Variants in SFTPC observed in about 807,000 individuals in gnomAD.
The protein encoded by SFTPC is surfactant protein C.
A neutral mutation model predicts 19.9 loss-of-function variants in SFTPC; 12 were observed. The observed-to-expected ratio is 0.60, with a 90% confidence interval of 0.39 to 0.98. The LOEUF is 0.98. Ranked by LOEUF, SFTPC falls within the 50% of genes least tolerant of loss-of-function variation. The pLI, the probability that SFTPC is intolerant of heterozygous loss-of-function variation, is 0.00. For missense variants in SFTPC, 219 were observed against 252.2 expected (o/e 0.87, Z 0.89); for synonymous variants, 123 against 103.3 (o/e 1.19, Z -1.16).
In SFTPC at chr8:22,163,516, G is replaced by A; in HGVS notation, c.405G>A (p.Glu135=). Residue 135 remains glutamate (E), a synonymous_variant, in exon 4 of 6, where the codon GAG becomes GAA. Transcript: ENST00000679463. ...KIAPESIPSL[E]ALTRKVHNFQ... ...CTCCAGAGAGCATCCCCAGTCTTGA[G>A]GCTCTCACTAGAAAAGTCCACAACT... is the stretch of plus-strand genomic sequence containing the variant. 1.2e-6 allele frequency: 2 copies of A among 1,613,690 alleles called. No homozygotes were observed. The highest frequency in any genetic ancestry group is 1.7e-6 in the Non-Finnish European group (2 of 1,179,732).
At chr8:22,163,002 G>A (rs1827819717) in intron 2 of SFTPC, 78 bp from the exon 3 acceptor site, 1 of 1,592,168 alleles carries the variant, frequency 6.3e-7, no homozygotes, top group Non-Finnish European at 8.6e-7. Context: ...TTTGAGTACA[G>A]AGGCCTGAGT....
chr8:22,162,875 G>A, intron 2 of SFTPC, 143 bp downstream of exon 2: 1 of 1,354,032 alleles, frequency 7.4e-7, no homozygotes, highest in East Asian at 2.3e-5. Flanking sequence ...CACGAACCAG[G>A]CAGCAACCCA....
Position 22,163,140 on chromosome 8 carries a change from C to A in SFTPC, c.262C>A (p.Leu88Met). The A allele has an allele frequency of 6.2e-7, 1 of 1,614,158 alleles. No homozygotes were observed. Among genetic ancestry groups the A allele is most frequent in the East Asian group, 2.2e-5 (1 of 44,874 alleles). The part of the protein sequence containing the change: ...AQQRLALSEH[L>M]VTTATFSIGS... ...GCAACGCCTGGCCCTGAGTGAGCAC[C>A]TGGTTACCACTGCCACCTTCTCCAT... Residue 88 changes from leucine to methionine, a missense_variant, in exon 3 of 6, where the codon CTG becomes ATG. Physicochemically the swap from Leu to Met is conservative, Grantham distance 15. Coordinates refer to ENST00000679463, the MANE Select transcript of SFTPC (RefSeq NM_001317778.2).
upstream of SFTPC, among the ~76,000 whole-genome samples, chr8:22,159,278 C>T (rs1004741446): frequency 1.3e-5 from 2 of 152,144 alleles, no homozygotes; most frequent in African/African-American, 2.4e-5. Flanking sequence ...CAGAGTGAGA[C>T]CCTGTCTCTA....
intron 4 of SFTPC, 25 bp downstream of exon 4, chr8:22,163,571 T>G: frequency 6.6e-7 from 1 of 1,514,706 alleles, no homozygotes; most frequent in Non-Finnish European, 9.2e-7. Context: ...GTGAAAAGAG[T>G]GGGCTGTCTC....
Position 22,164,399 on chromosome 8 carries a change from G to A in SFTPC, c.*152G>A. 1 of 1,531,214 alleles carries A rather than the reference G, an allele frequency of 6.5e-7. No individual in the cohort carries two copies. The highest frequency in any genetic ancestry group is 8.7e-7 in the Non-Finnish European group (1 of 1,144,724). The allele number at this position is 1,531,214 out of a possible 1,614,324, so 94.9% of individuals were successfully genotyped here. Reference sequence around the variant, plus strand: ...TGGAGAAATGGGAGCTTGGGGAGAGGATGGGAGTGGGCAGAGGTGGCGCCC... The same window carrying A: ...TGGAGAAATGGGAGCTTGGGGAGAGAATGGGAGTGGGCAGAGGTGGCGCCC... On this transcript the variant is annotated 3_prime_UTR_variant, in exon 6 of 6. Transcript: ENST00000679463.
At chr8:22,163,367 G>A in intron 3 of SFTPC, 69 bp from the exon 4 acceptor site, 1 of 1,514,464 alleles carries the variant, frequency 6.6e-7, no homozygotes, top group Non-Finnish European at 9.1e-7. Context: ...GAGGGAGGTG[G>A]CTAAGGACCT....
chr8:22,159,819 G>A (rs529300779), upstream of SFTPC: 130 of 1,289,268 alleles, frequency 1.0e-4, no homozygotes, highest in African/African-American at 8.8e-4. Context: ...TGGCTCTCCC[G>A]CTGGCCAGCT....
At chr8:22,161,540 GA>G, upstream of SFTPC, 1 of 653,442 alleles carries the variant, frequency 1.5e-6, no homozygotes, top group Non-Finnish European at 2.5e-6. Context: ...CACCCATGGT[GA>G]GAAGTGCAGA....
intron 4 of SFTPC, 66 bp from the exon 5 acceptor site, chr8:22,163,835 C>T: frequency 1.4e-6 from 2 of 1,428,186 alleles, no homozygotes; most frequent in Non-Finnish European, 2.0e-6. Flanking sequence ...CCTGAAGTCC[C>T]ACAATAAGGG....
At chr8:22,160,423 C>CAACA (rs1182626697), upstream of SFTPC, among the ~76,000 whole-genome samples, 5 of 152,268 alleles carry the variant, frequency 3.3e-5, no homozygotes, top group East Asian at 7.7e-4. Flanking sequence ...CCAGCCTGGG[C>CAACA]AACATGGTGA....
intron 2 of SFTPC, 65 bp downstream of exon 2, chr8:22,162,797 G>T: frequency 6.3e-7 from 1 of 1,593,800 alleles, no homozygotes. Context: ...TAGGTGGGAT[G>T]GGCGATAGGA....
upstream of SFTPC, among the ~76,000 whole-genome samples, chr8:22,157,953 A>C (rs1827562181): frequency 6.6e-6 from 1 of 152,220 alleles, no homozygotes; most frequent in Non-Finnish European, 1.5e-5. Context: ...CCACATAAAC[A>C]AAAGCTCTTG....
upstream of SFTPC, among the ~76,000 whole-genome samples, chr8:22,160,408 C>T (rs2131808106): frequency 6.6e-6 from 1 of 152,260 alleles, no homozygotes; most frequent in Middle Eastern, 3.4e-3. Flanking sequence ...CCCAGGAGTT[C>T]GAGACCAGCC....
At chr8:22,161,028 G>A (rs1827695666), upstream of SFTPC, among the ~76,000 whole-genome samples, 2 of 152,156 alleles carry the variant, frequency 1.3e-5, no homozygotes, top group South Asian at 4.1e-4. Context: ...GCCCTGTTCA[G>A]GGCTGTCCGG....
chr8:22,158,550 A>G (rs142353836), upstream of SFTPC: 1 of 152,380 alleles, frequency 6.6e-6, no homozygotes, highest in African/African-American at 2.4e-5. Context: ...CCAGAAACAG[A>G]CAAAGAGGGT....
At chr8:22,164,128 C>A in intron 5 of SFTPC, 69 bp downstream of exon 5, 1 of 1,595,356 alleles carries the variant, frequency 6.3e-7, no homozygotes, top group East Asian at 2.3e-5. Flanking sequence ...TGTGGAGGAG[C>A]GCTCGCGCTG....
In SFTPC at chr8:22,164,280, C is replaced by T; in HGVS notation, c.*33C>T. ...TTGCTTCACAGGGTCAGTGGAAGCC[C>T]CAACGGGAAAGGAAACGCCCCGGGC... is the stretch of plus-strand genomic sequence containing the variant. On this transcript the variant is annotated 3_prime_UTR_variant, in exon 6 of 6. Coordinates refer to ENST00000679463, the MANE Select transcript of SFTPC (RefSeq NM_001317778.2). The T allele has an allele frequency of 6.5e-7, 1 of 1,536,172 alleles. No individual in the cohort carries two copies. Among genetic ancestry groups the T allele is most frequent in the African/African-American group, 1.4e-5 (1 of 73,180 alleles).
At chr8:22,163,845 G>T (rs747937184) in intron 4 of SFTPC, 56 bp from the exon 5 acceptor site, 2 of 1,470,654 alleles carry the variant, frequency 1.4e-6, no homozygotes, top group African/African-American at 1.4e-5. Flanking sequence ...CACAATAAGG[G>T]CTGCACATGG....
Sources: gnomAD v4.1 joint callset for allele counts (sites outside exome capture counted in the v4.1 genomes callset) on GRCh38, gnomAD v4.1.1 for gene constraint, MANE v1.5 for transcripts, NCBI Gene and HGNC (gene_info 2026-07-23, HGNC 2026-07-21) for gene names.